Variants in NWD2 observed in about 807,000 individuals in gnomAD.
NWD2 encodes the protein NACHT and WD repeat domain containing 2, also known as NACHT and WD repeat domain-containing protein 2.
Under a neutral mutation model 132.7 loss-of-function variants are expected in NWD2, and 37 were observed. That is an observed-to-expected ratio of 0.28 (90% CI 0.21 to 0.37). NWD2 has a LOEUF of 0.37. Among genes scored for constraint, NWD2 ranks in the 10% least tolerant of loss-of-function variants. The probability of loss-of-function intolerance (pLI) is 1.00; values close to 1 mark genes in which losing one functional copy is unlikely to be tolerated. For missense variants in NWD2, 1,592 were observed against 2,122.4 expected (o/e 0.75, Z 4.91); for synonymous variants, 705 against 803.0 (o/e 0.88, Z 2.06).
At chr4:37,317,309 AGG>A (rs1718977696) in intron 1 of NWD2, among the ~76,000 whole-genome samples, 1 of 152,214 alleles carries the variant, frequency 6.6e-6, no homozygotes, top group African/African-American at 2.4e-5. Flanking sequence ...TTCCCACCAC[AGG>A]AATTTGTGGA....
chr4:37,383,996 C>T (rs1244610213), intron 3 of NWD2, among the ~76,000 whole-genome samples: 1 of 151,988 alleles, frequency 6.6e-6, no homozygotes, highest in South Asian at 2.1e-4. Context: ...ACCTGCAGGA[C>T]GTGCCGGTCT....
Position 37,277,539 on chromosome 4 carries a change from TG to T in NWD2, c.151+32325del, listed in dbSNP as rs1302312786. Among the ~76,000 whole-genome samples the T allele has an allele frequency of 1.3e-4, 20 of 152,240 alleles. No homozygotes were observed. In the East Asian group the frequency reaches 2.1e-3, roughly 16 times the overall value. ...ATCTCAAGTATGCTATTGTGATTTC[TG>T]GGGAATTTTTATTTCAGTTATTGTA... is the stretch of plus-strand genomic sequence containing the variant. On this transcript the variant is annotated intron_variant, in intron 1 of 6. Coordinates refer to ENST00000309447, the MANE Select transcript of NWD2 (RefSeq NM_001144990.2).
intron 1 of NWD2, 104 bp downstream of exon 1, chr4:37,245,322 C>G: frequency 7.7e-7 from 1 of 1,303,998 alleles, no homozygotes; most frequent in East Asian, 2.7e-5. Flanking sequence ...CCTGCGCTCC[C>G]TTCCTCCAGC....
chr4:37,405,392 G>A (rs781618933), intron 3 of NWD2, among the ~76,000 whole-genome samples: 2 of 151,740 alleles, frequency 1.3e-5, no homozygotes, highest in African/African-American at 2.4e-5. Flanking sequence ...TGTCTAGTAG[G>A]TTGCCATCAG....
At chr4:37,342,721 CCTTA>C (rs927387437) in intron 2 of NWD2, among the ~76,000 whole-genome samples, 2 of 152,186 alleles carry the variant, frequency 1.3e-5, no homozygotes, top group Admixed American at 1.3e-4. Context: ...TTCAGTTCTT[CCTTA>C]CTATCATGTT....
chr4:37,285,639 C>A (rs1001773884), intron 1 of NWD2, among the ~76,000 whole-genome samples: 1 of 152,066 alleles, frequency 6.6e-6, no homozygotes, highest in Non-Finnish European at 1.5e-5. Context: ...AGCATATACA[C>A]TTTTTGGTTT....
At chr4:37,411,466 A>G (rs993803237) in intron 3 of NWD2, among the ~76,000 whole-genome samples, 1 of 152,176 alleles carries the variant, frequency 6.6e-6, no homozygotes, top group African/African-American at 2.4e-5. Context: ...AACCAATAAC[A>G]AGTTCTGAAA....
At chr4:37,430,985 T>G (rs973781243) in intron 4 of NWD2, among the ~76,000 whole-genome samples, 1 of 152,076 alleles carries the variant, frequency 6.6e-6, no homozygotes, top group Non-Finnish European at 1.5e-5. Context: ...TTACACCTGT[T>G]AGGATGGCCA....
chr4:37,325,938 A>G lies in NWD2; in HGVS notation c.154A>G (p.Thr52Ala). ...RVFISANPED[T>A]GAERQALREN... The stretch of plus-strand genomic sequence containing the variant: ...GTGTGTTTGTCTTTCTACTACAGAT[A>G]CGGGAGCAGAAAGACAGGCGCTAAG... Residue 52 changes from threonine (T) to alanine (A), a missense_variant and splice_region_variant, in exon 2 of 7, where the codon ACG becomes GCG. Transcript: ENST00000309447. The G allele has an allele frequency of 1.3e-6, 2 of 1,537,934 alleles. No individual in the cohort carries two copies. The highest frequency in any genetic ancestry group is 1.8e-6 in the Non-Finnish European group (2 of 1,135,050).
At chr4:37,281,448 A>G (rs1718127643) in intron 1 of NWD2, among the ~76,000 whole-genome samples, 2 of 152,090 alleles carry the variant, frequency 1.3e-5, no homozygotes, top group South Asian at 2.1e-4. Flanking sequence ...TCCTCATGGG[A>G]TGAAAGGAAA....
chr4:37,364,177 G>A (rs1019679992), intron 3 of NWD2, among the ~76,000 whole-genome samples: 5 of 152,108 alleles, frequency 3.3e-5, no homozygotes, highest in Admixed American at 1.3e-4. Flanking sequence ...ACACTCTGCT[G>A]TCTTGAGCAA....
chr4:37,274,301 A>G (rs956836076), intron 1 of NWD2, among the ~76,000 whole-genome samples: 1 of 152,140 alleles, frequency 6.6e-6, no homozygotes, highest in Non-Finnish European at 1.5e-5. Context: ...TACTATAAAC[A>G]CCTCTGCGCA....
intron 1 of NWD2, among the ~76,000 whole-genome samples, chr4:37,247,438 C>A (rs751952685): frequency 6.6e-6 from 1 of 152,116 alleles, no homozygotes; most frequent in Non-Finnish European, 1.5e-5. Context: ...TAGCGGAAAT[C>A]CAATTTATGT....
At chr4:37,422,523 C>A (rs1327640210) in intron 3 of NWD2, among the ~76,000 whole-genome samples, 1 of 152,118 alleles carries the variant, frequency 6.6e-6, no homozygotes, top group South Asian at 2.1e-4. Context: ...TCAAGAAATA[C>A]TTCATTATTC....
intron 1 of NWD2, among the ~76,000 whole-genome samples, chr4:37,259,359 T>C (rs1436294798): frequency 1.3e-5 from 2 of 152,238 alleles, no homozygotes; most frequent in Admixed American, 6.5e-5. Context: ...TTAAACTGCC[T>C]TATAAGCCAA....
In NWD2 at chr4:37,275,972, G is replaced by A. The variant is rs1718003305; in HGVS notation, c.151+30754G>A. Among the ~76,000 whole-genome samples the A allele has an allele frequency of 2.0e-5, 3 of 152,236 alleles. No individual in the cohort carries two copies. In the South Asian group the frequency reaches 6.2e-4, roughly 32 times the overall value. The stretch of plus-strand genomic sequence containing the variant: ...TTCAAGATGAATTAAAGACTTAAAT[G>A]TTAGACCTAAAACCATAAAAACCCT... On this transcript the variant is annotated intron_variant, in intron 1 of 6. Transcript: ENST00000309447.
At chr4:37,284,656 A>G (rs1293403657) in intron 1 of NWD2, among the ~76,000 whole-genome samples, 1 of 152,234 alleles carries the variant, frequency 6.6e-6, no homozygotes, top group East Asian at 1.9e-4. Flanking sequence ...AGTAGGAAGT[A>G]AAAGGAAGAC....
intron 1 of NWD2, among the ~76,000 whole-genome samples, chr4:37,268,970 A>G (rs1388750500): frequency 6.6e-6 from 1 of 151,934 alleles, no homozygotes; most frequent in East Asian, 1.9e-4. Flanking sequence ...ATTTCCAGTA[A>G]TTGATCAAAG....
At chr4:37,265,463 G>C (rs1269304822) in intron 1 of NWD2, among the ~76,000 whole-genome samples, 1 of 152,062 alleles carries the variant, frequency 6.6e-6, no homozygotes, top group Non-Finnish European at 1.5e-5. Flanking sequence ...TCAGAAGTCC[G>C]AATTCAGTTT....
Sources: allele counts gnomAD v4.1 joint callset (sites outside exome capture counted in the v4.1 genomes callset), GRCh38; gene constraint gnomAD v4.1.1; transcripts MANE v1.5; gene names NCBI Gene and HGNC (gene_info 2026-07-23, HGNC 2026-07-21).